IL15: variants seen among roughly 807,000 people sequenced by gnomAD.
IL15 encodes the protein interleukin 15.
Under a neutral mutation model 19.6 loss-of-function variants are expected in IL15, and 11 were observed. The ratio of observed to expected loss-of-function variants is 0.56; its 90% confidence interval spans 0.35 to 0.93. IL15 has a LOEUF of 0.93. Among genes scored for constraint, IL15 ranks in the 40% least tolerant of loss-of-function variants. The probability of loss-of-function intolerance (pLI) is 0.01; values close to 1 mark genes in which losing one functional copy is unlikely to be tolerated. For missense variants in IL15, 197 were observed against 186.5 expected, an observed-to-expected ratio of 1.06 and a Z score of -0.33; for synonymous variants, 58 against 59.6, an observed-to-expected ratio of 0.97 and a Z score of 0.12.
chr4:141,718,565 T>G (rs1177389508), intron 2 of IL15: 4 of 152,212 alleles, frequency 2.6e-5, no homozygotes, highest in African/African-American at 9.6e-5. Flanking sequence ...GTATCTTGCT[T>G]AATACCTAAA....
chr4:141,687,719 T>TA (rs1190586218), intron 2 of IL15, among the ~76,000 whole-genome samples: 1 of 152,204 alleles, frequency 6.6e-6, no homozygotes, highest in Admixed American at 6.5e-5. Flanking sequence ...ATTTTATTTT[T>TA]AAAAAATTTT....
At chr4:141,715,679 T>A (rs1016294166) in intron 2 of IL15, 1 of 152,198 alleles carries the variant, frequency 6.6e-6, no homozygotes, top group Non-Finnish European at 1.5e-5. Flanking sequence ...TGTCTTATAG[T>A]CTCTATATTC....
chr4:141,698,515 T>A (rs1391893882), intron 2 of IL15, among the ~76,000 whole-genome samples: 2 of 151,940 alleles, frequency 1.3e-5, no homozygotes, highest in Non-Finnish European at 1.5e-5. Context: ...AACCTGGCTG[T>A]TAGTTATTGG....
intron 2 of IL15, among the ~76,000 whole-genome samples, chr4:141,714,035 A>G (rs1729792368): frequency 6.6e-6 from 1 of 151,768 alleles, no homozygotes; most frequent in African/African-American, 2.4e-5. Context: ...CTCTCATACT[A>G]TTCTCCCAGT....
chr4:141,684,967 T>C lies in IL15; in HGVS notation c.-100+28660T>C, dbSNP rs562149095. 3.3e-5 allele frequency among the ~76,000 whole-genome samples: 5 copies of C among 152,198 alleles called. No homozygotes were observed. In the East Asian group the frequency reaches 7.7e-4, roughly 23 times the overall value. On this transcript the variant is annotated intron_variant, in intron 2 of 7. Coordinates refer to ENST00000320650, the MANE Select transcript of IL15 (RefSeq NM_000585.5). Reference sequence around the variant, plus strand: ...GCAGTGATTATGTCTTTTTTTTTTTTCTTTAACAAAGAGGTCATGAAATAG... The same window carrying C: ...GCAGTGATTATGTCTTTTTTTTTTTCCTTTAACAAAGAGGTCATGAAATAG...
chr4:141,719,311 C>A (rs931410993), intron 2 of IL15, 55 bp from the exon 3 acceptor site: 1 of 546,312 alleles, frequency 1.8e-6, no homozygotes, highest in Non-Finnish European at 3.3e-6. Context: ...AATTCCCTCC[C>A]TTTCTTTTTC....
rs1267123363 is a variant in IL15, at chr4:141,721,183, T to C, written c.110+617T>C. ...GGAACCATAGATTTGTGCAGGTAAT[T>C]CTTCATCATAAGACAGATTAGTGTT... On this transcript the variant is annotated intron_variant, in intron 4 of 7. Coordinates refer to ENST00000320650, the MANE Select transcript of IL15 (RefSeq NM_000585.5). 2.9e-6 allele frequency: 3 copies of C among 1,024,708 alleles called. No individual in the cohort carries two copies. The Admixed American group carries it at 5.2e-5, about 18-fold the overall frequency. The allele number at this position is 1,024,708 out of a possible 1,614,324, so 63.5% of individuals were successfully genotyped here.
At chr4:141,650,212 C>A (rs1394851892) in intron 1 of IL15, among the ~76,000 whole-genome samples, 1 of 151,950 alleles carries the variant, frequency 6.6e-6, no homozygotes, top group African/African-American at 2.4e-5. Context: ...AAAATTGTAA[C>A]TAGGATGCTT....
At chr4:141,668,596 A>G (rs370446371) in intron 2 of IL15, among the ~76,000 whole-genome samples, 68 of 152,260 alleles carry the variant, frequency 4.5e-4, no homozygotes, top group African/African-American at 1.4e-3. Flanking sequence ...TCCACTCTCA[A>G]TCCCCTACTG....
chr4:141,655,793 C>T (rs1727571662), intron 1 of IL15, among the ~76,000 whole-genome samples: 1 of 152,200 alleles, frequency 6.6e-6, no homozygotes, highest in Non-Finnish European at 1.5e-5. Flanking sequence ...TTATTTTCAA[C>T]ACCTTCTTCA....
intron 2 of IL15, among the ~76,000 whole-genome samples, chr4:141,665,090 A>C (rs1472442314): frequency 1.3e-5 from 2 of 151,936 alleles, no homozygotes; most frequent in Non-Finnish European, 2.9e-5. Flanking sequence ...TATGTTAAGG[A>C]ACCAGTACAT....
At chr4:141,690,535 T>C (rs1728876313) in intron 2 of IL15, among the ~76,000 whole-genome samples, 1 of 152,224 alleles carries the variant, frequency 6.6e-6, no homozygotes, top group Non-Finnish European at 1.5e-5. Flanking sequence ...TCCTATGAAG[T>C]ATTATTCCAA....
At chr4:141,675,235 C>G (rs1026158526) in intron 2 of IL15, among the ~76,000 whole-genome samples, 1 of 151,406 alleles carries the variant, frequency 6.6e-6, no homozygotes, top group African/African-American at 2.4e-5. Flanking sequence ...TCTGGAGATA[C>G]TAGTCTCTTT....
At chr4:141,695,077 C>G (rs1406193174) in intron 2 of IL15, among the ~76,000 whole-genome samples, 1 of 152,010 alleles carries the variant, frequency 6.6e-6, no homozygotes, top group African/African-American at 2.4e-5. Context: ...CCCTGGTGTG[C>G]TTTTTAAAAT....
At chr4:141,698,885 G>A (rs75330693) in intron 2 of IL15, among the ~76,000 whole-genome samples, 1 of 151,328 alleles carries the variant, frequency 6.6e-6, no homozygotes. Flanking sequence ...GGTTTAGTTT[G>A]TTCCTGTCTC....
intron 4 of IL15, chr4:141,721,662 C>T: frequency 1.9e-6 from 1 of 526,120 alleles, no homozygotes; most frequent in Non-Finnish European, 3.4e-6. Flanking sequence ...TAAATTGAGC[C>T]AGTTTATTTA....
intron 2 of IL15, among the ~76,000 whole-genome samples, chr4:141,672,670 AT>A (rs1377782125): frequency 1.3e-5 from 2 of 152,240 alleles, no homozygotes; most frequent in Non-Finnish European, 2.9e-5. Context: ...ACTTTGAAAA[AT>A]ATTCAGTCTC....
At chr4:141,705,348 A>T (rs899330737) in intron 2 of IL15, among the ~76,000 whole-genome samples, 1 of 151,908 alleles carries the variant, frequency 6.6e-6, no homozygotes, top group South Asian at 2.1e-4. Context: ...TTGGTTATTT[A>T]AGAAAAAGTT....
chr4:141,730,069 C>T (rs1225646346), intron 7 of IL15, 85 bp downstream of exon 7: 1 of 1,055,984 alleles, frequency 9.5e-7, no homozygotes, highest in Non-Finnish European at 1.5e-6. Context: ...GCAGATCCTC[C>T]TAAGGGGCAA....
Sources: allele counts gnomAD v4.1 joint callset (sites outside exome capture counted in the v4.1 genomes callset), GRCh38; gene constraint gnomAD v4.1.1; transcripts MANE v1.5; gene names NCBI Gene and HGNC (gene_info 2026-07-23, HGNC 2026-07-21).